Variants in CPSF7 observed in about 807,000 individuals in gnomAD.
The protein encoded by CPSF7 is cleavage and polyadenylation specific factor 7.
In CPSF7, 1 loss-of-function variant was observed where a neutral mutation model predicts 44.3. The ratio of observed to expected loss-of-function variants is 0.02; its 90% confidence interval spans 0.01 to 0.11. CPSF7 has a LOEUF of 0.11. Among genes scored for constraint, CPSF7 ranks in the 10% least tolerant of loss-of-function variants. The pLI is 1.00. For missense variants in CPSF7, 443 were observed against 607.2 expected (o/e 0.73, Z 2.84); for synonymous variants, 202 against 222.0 (o/e 0.91, Z 0.80).
At position 61,410,850 on chromosome 11, in the gene CPSF7, C is replaced by T; in HGVS notation, c.*5+88G>A. Reference sequence around the variant, plus strand: ...GTTCCCCCTACCCTTGCTGCATTTACTTTTGCTTTAAAGAGAGAGAATTCT... The same window carrying T: ...GTTCCCCCTACCCTTGCTGCATTTATTTTTGCTTTAAAGAGAGAGAATTCT... On this transcript the variant is annotated intron_variant, in intron 9 of 9. Transcript: ENST00000439958. 2.9e-6 allele frequency: 4 copies of T among 1,373,920 alleles called. No individual in the cohort carries two copies. In the African/African-American group the frequency reaches 4.4e-5, roughly 15 times the overall value. The allele number at this position is 1,373,920 out of a possible 1,614,324, so 85.1% of individuals were successfully genotyped here. A position where few individuals can be genotyped will look rare whatever the true frequency, so the allele number is the denominator to read the frequency against.
At chr11:61,426,147 G>A (rs1454356168) in intron 2 of CPSF7, among the ~76,000 whole-genome samples, 2 of 152,168 alleles carry the variant, frequency 1.3e-5, no homozygotes, top group Non-Finnish European at 2.9e-5. Context: ...AGCACCATAG[G>A]GTTCCATCTA....
chr11:61,418,661 G>GT (rs1565110765), intron 5 of CPSF7, among the ~76,000 whole-genome samples: 1 of 152,068 alleles, frequency 6.6e-6, no homozygotes, highest in South Asian at 2.1e-4. Context: ...AATAAAGAGA[G>GT]TAAGATGGAC....
intron 2 of CPSF7, among the ~76,000 whole-genome samples, chr11:61,422,726 G>A (rs952425834): frequency 6.6e-6 from 1 of 152,174 alleles, no homozygotes; most frequent in African/African-American, 2.4e-5. Context: ...ATATGAATAT[G>A]TATTATGGAA....
At chr11:61,429,131 T>A (rs201190730) in intron 2 of CPSF7, 51 bp downstream of exon 2, 1 of 1,080,564 alleles carries the variant, frequency 9.3e-7, no homozygotes, top group Non-Finnish European at 1.4e-6. Context: ...TTGCTGAAAA[T>A]GATTCCTCAG....
rs541692883 is a variant in CPSF7, at chr11:61,427,634, C to G, written c.54+1548G>C. Among the ~76,000 whole-genome samples the G allele has an allele frequency of 6.6e-4, 87 of 131,350 alleles. 1 individual carries two copies. In the South Asian group the frequency reaches 0.019, roughly 29 times the overall value. The allele number at this position is 131,350 out of a possible 152,430, so 86.2% of individuals were successfully genotyped here. On this transcript the variant is annotated intron_variant, in intron 2 of 9. Transcript: ENST00000439958. The stretch of plus-strand genomic sequence containing the variant: ...CGCCACTGCACTCCAGCCTGGGTGA[C>G]AGAGAGAGACTCTGTCTCAAGAAAA...
chr11:61,429,810 C>T (rs1861789214), intron 1 of CPSF7, 104 bp downstream of exon 1: 5 of 1,548,546 alleles, frequency 3.2e-6, no homozygotes, highest in Admixed American at 2.0e-5. Context: ...TCCCTCCGCC[C>T]GCAGACTCCG....
At chr11:61,423,832 C>A (rs1861117715) in intron 2 of CPSF7, among the ~76,000 whole-genome samples, 1 of 152,106 alleles carries the variant, frequency 6.6e-6, no homozygotes, top group South Asian at 2.1e-4. Flanking sequence ...ATTATAAGAA[C>A]CTTTGGAAAC....
chr11:61,421,256 A>T, intron 3 of CPSF7, 134 bp downstream of exon 3: 1 of 1,019,542 alleles, frequency 9.8e-7, no homozygotes, highest in South Asian at 1.4e-5. Flanking sequence ...GATCAATCCA[A>T]CCTGATCCCA....
intron 9 of CPSF7, among the ~76,000 whole-genome samples, chr11:61,408,217 C>A (rs569842206): frequency 6.6e-6 from 1 of 151,924 alleles, no homozygotes; most frequent in Non-Finnish European, 1.5e-5. Context: ...CCACCATGCC[C>A]GGCTAATTTT....
intron 3 of CPSF7, chr11:61,421,079 C>T (rs1261766576): frequency 7.3e-7 from 1 of 1,361,344 alleles, no homozygotes; most frequent in African/African-American, 1.5e-5. Flanking sequence ...ATCTAATGAC[C>T]ACCAAGAGTT....
At chr11:61,429,403 G>A (rs1047750603) in intron 1 of CPSF7, 113 bp from the exon 2 acceptor site, 12 of 668,328 alleles carry the variant, frequency 1.8e-5, no homozygotes, top group South Asian at 3.5e-5. Flanking sequence ...GGCGGCCCCA[G>A]CTCGGCCCCA....
intron 7 of CPSF7, among the ~76,000 whole-genome samples, chr11:61,412,434 C>T (rs1859939295): frequency 6.6e-6 from 1 of 151,946 alleles, no homozygotes; most frequent in Non-Finnish European, 1.5e-5. Context: ...GGACTACAGG[C>T]GCCTGCCACC....
chr11:61,416,177 G>C lies in CPSF7; in HGVS notation c.866C>G (p.Pro289Arg), dbSNP rs769653247. ...ALHLNPAFFP[P>R]PNATVGPPPD... ...TGGAGGCCCCACTGTAGCGTTTGGT[G>C]GGGGGAAGAAGGCTGGATTGAGGTG... The change falls in exon 6 of 10, where the codon CCA becomes CGA. Residue 289 changes from proline (P) to arginine (R), a missense_variant. By Grantham distance (103) the Pro-to-Arg change is moderately radical. Transcript: ENST00000439958. The C allele has an allele frequency of 6.6e-7, 1 of 1,518,604 alleles. No homozygotes were observed. Among genetic ancestry groups the C allele is most frequent in the Non-Finnish European group, 8.8e-7 (1 of 1,135,832 alleles). 94.1% of individuals were successfully genotyped at this position (1,518,604 alleles called of 1,614,324 possible).
chr11:61,426,159 G>GA (rs970581412), intron 2 of CPSF7, among the ~76,000 whole-genome samples: 6 of 152,206 alleles, frequency 3.9e-5, no homozygotes, highest in Non-Finnish European at 8.8e-5. Context: ...TTCCATCTAG[G>GA]AAAAATATTA....
At position 61,421,503 on chromosome 11, in the gene CPSF7, G is replaced by A; in HGVS notation, c.160C>T (p.Pro54Ser). The change falls in exon 3 of 10, where the codon CCT becomes TCT. Residue 54 changes from proline (P) to serine (S), a missense_variant. Transcript: ENST00000439958. The part of the protein sequence containing the change: ...DRSSSTEPPP[P>S]VRQEPSPKPN... ...TTGGGAGATGGCTCCTGGCGAACAG[G>A]AGGAGGTGGTTCAGTGCTGCTGCTT... The A allele has an allele frequency of 6.2e-7, 1 of 1,614,128 alleles. No homozygotes were observed. Among genetic ancestry groups the A allele is most frequent in the South Asian group, 1.1e-5 (1 of 91,066 alleles).
At chr11:61,420,619 C>T (rs748565055) in intron 3 of CPSF7, 46 bp from the exon 4 acceptor site, 1 of 1,454,842 alleles carries the variant, frequency 6.9e-7, no homozygotes, top group Non-Finnish European at 9.6e-7. Context: ...AGAGCTACAC[C>T]CCCGCCCGCC....
chr11:61,421,755 A>C (rs372372300), intron 2 of CPSF7, 147 bp from the exon 3 acceptor site: 34 of 597,646 alleles, frequency 5.7e-5, no homozygotes, highest in African/African-American at 4.3e-4. Flanking sequence ...AGTAAGAAAA[A>C]CCTCCTTTTG....
intron 9 of CPSF7, among the ~76,000 whole-genome samples, chr11:61,406,947 T>C (rs1367811866): frequency 6.6e-6 from 1 of 152,100 alleles, no homozygotes; most frequent in East Asian, 1.9e-4. Flanking sequence ...CCAGCTAGTT[T>C]TGTATCTCTG....
At chr11:61,412,933 T>TA (rs1216868176) in intron 7 of CPSF7, among the ~76,000 whole-genome samples, 1 of 152,194 alleles carries the variant, frequency 6.6e-6, no homozygotes, top group Non-Finnish European at 1.5e-5. Flanking sequence ...AAGGTGGTCT[T>TA]ATTGGTTGAT....
Sources: allele counts gnomAD v4.1 joint callset (sites outside exome capture counted in the v4.1 genomes callset), GRCh38; gene constraint gnomAD v4.1.1; transcripts MANE v1.5; gene names NCBI Gene and HGNC (gene_info 2026-07-23, HGNC 2026-07-21).